TMEM131L: variants seen among roughly 807,000 people sequenced by gnomAD.
TMEM131L encodes transmembrane 131 like, also known as transmembrane protein 131-like.
TMEM131L carries 54 observed loss-of-function variants against 192.2 expected under a neutral mutation model. The ratio of observed to expected loss-of-function variants is 0.28; its 90% CI spans 0.23 to 0.35. TMEM131L has a LOEUF of 0.35. Ranked by LOEUF, TMEM131L falls within the 10% of genes least tolerant of loss-of-function variation. The pLI is 1.00. For missense variants in TMEM131L, 1,888 were observed against 1,972.9 expected (o/e 0.96, Z 0.82); for synonymous variants, 701 against 704.9 (o/e 0.99, Z 0.09).
Position 153,604,213 on chromosome 4 carries a change from C to T in TMEM131L, c.3201C>T (p.Phe1067=), listed in dbSNP as rs776493741. 37 of 1,614,012 alleles carry T rather than the reference C, an allele frequency of 2.3e-5. No individual in the cohort carries two copies. Among genetic ancestry groups the T allele is most frequent in the Non-Finnish European group, 3.0e-5 (35 of 1,179,956 alleles). Residue 1067 remains phenylalanine, a synonymous_variant, in exon 25 of 35, where the codon TTC becomes TTT. Transcript: ENST00000409959. ...ACACACTGAAAAACACAATTGTTTT[C>T]AGTAATCCTTCTTCAGAATGTAGTA... ...EENTLKNTIV[F]SNPSSECSMK...
intron 3 of TMEM131L, among the ~76,000 whole-genome samples, chr4:153,515,650 C>A (rs979691363): frequency 1.3e-5 from 2 of 152,116 alleles, no homozygotes; most frequent in African/African-American, 4.8e-5. Flanking sequence ...GAGGAACTGC[C>A]AAATTGTTTT....
chr4:153,556,897 GAA>G, intron 5 of TMEM131L, 67 bp from the exon 6 acceptor site: 1 of 746,724 alleles, frequency 1.3e-6, no homozygotes. Flanking sequence ...GTCAAAAAAA[GAA>G]AGTCTGTGAA....
At chr4:153,618,686 A>C (rs1308859069) in intron 26 of TMEM131L, among the ~76,000 whole-genome samples, 1 of 151,920 alleles carries the variant, frequency 6.6e-6, no homozygotes, top group East Asian at 1.9e-4. Context: ...GATTGAAACT[A>C]GGCAGTTTAG....
chr4:153,628,586 G>A (rs1305329179), intron 31 of TMEM131L, among the ~76,000 whole-genome samples: 1 of 152,160 alleles, frequency 6.6e-6, no homozygotes, highest in African/African-American at 2.4e-5. Context: ...TTTTGGACTT[G>A]TCCAGTTATC....
At chr4:153,585,257 C>T (rs1287509624) in intron 12 of TMEM131L, among the ~76,000 whole-genome samples, 3 of 152,228 alleles carry the variant, frequency 2.0e-5, no homozygotes, top group Admixed American at 1.3e-4. Flanking sequence ...TGGCCGCAGC[C>T]TGGTTGCTTC....
chr4:153,545,356 C>T (rs1207442163), intron 3 of TMEM131L, among the ~76,000 whole-genome samples: 4 of 149,552 alleles, frequency 2.7e-5, no homozygotes, highest in Admixed American at 6.7e-5. Flanking sequence ...GGCGCGATCC[C>T]GACTCACTGA....
At chr4:153,568,567 C>T (rs1382298256) in intron 7 of TMEM131L, among the ~76,000 whole-genome samples, 2 of 152,168 alleles carry the variant, frequency 1.3e-5, no homozygotes, top group Admixed American at 6.5e-5. Flanking sequence ...CCCTTAAGAG[C>T]AAGAATTATG....
intron 3 of TMEM131L, among the ~76,000 whole-genome samples, chr4:153,541,292 G>T (rs944704077): frequency 6.6e-6 from 1 of 152,162 alleles, no homozygotes; most frequent in African/African-American, 2.4e-5. Context: ...TGTGGAATGT[G>T]GTAAGAGTAA....
intron 3 of TMEM131L, among the ~76,000 whole-genome samples, chr4:153,495,596 AAAC>A (rs1391281456): frequency 6.6e-6 from 1 of 152,190 alleles, no homozygotes. Flanking sequence ...ATTTTTACAT[AAAC>A]AATAGGTCAG....
chr4:153,581,394 C>T lies in TMEM131L; in HGVS notation c.739-13C>T. ...TTTTTTTTTTCCTTTTTTCCTCCTC[C>T]TTCCAACCATAGGGTTGTTATCTGG... On this transcript the variant is annotated splice_polypyrimidine_tract_variant and intron_variant, in intron 8 of 34. Transcript: ENST00000409959. 9.9e-6 allele frequency: 15 copies of T among 1,510,060 alleles called. No individual in the cohort carries two copies. Among genetic ancestry groups the T allele is most frequent in the Non-Finnish European group, 1.3e-5 (15 of 1,125,750 alleles). 93.5% of individuals were successfully genotyped at this position (1,510,060 alleles called of 1,614,324 possible). A position where few individuals can be genotyped will look rare whatever the true frequency, so the allele number is the denominator to read the frequency against.
intron 3 of TMEM131L, among the ~76,000 whole-genome samples, chr4:153,546,480 A>G (rs949368639): frequency 6.6e-6 from 1 of 152,170 alleles, no homozygotes; most frequent in African/African-American, 2.4e-5. Context: ...TTTTATTGCT[A>G]TAGTTCTTGA....
At chr4:153,587,426 C>T (rs188482013) in intron 14 of TMEM131L, among the ~76,000 whole-genome samples, 1 of 151,402 alleles carries the variant, frequency 6.6e-6, no homozygotes, top group Non-Finnish European at 1.5e-5. Context: ...GGGTCTCACT[C>T]TGTTGCCCAG....
chr4:153,578,302 G>A (rs541991154), intron 7 of TMEM131L, among the ~76,000 whole-genome samples: 7 of 152,110 alleles, frequency 4.6e-5, no homozygotes, highest in South Asian at 2.1e-4. Flanking sequence ...GCTGCATTGC[G>A]CTATGATTGT....
At chr4:153,630,903 G>A (rs1300592001) in intron 31 of TMEM131L, among the ~76,000 whole-genome samples, 1 of 152,206 alleles carries the variant, frequency 6.6e-6, no homozygotes, top group Non-Finnish European at 1.5e-5. Context: ...CTGGCTGTAA[G>A]GTTTAATCAG....
At chr4:153,582,293 G>A (rs545666151) in intron 9 of TMEM131L, among the ~76,000 whole-genome samples, 1 of 151,812 alleles carries the variant, frequency 6.6e-6, no homozygotes, top group Non-Finnish European at 1.5e-5. Flanking sequence ...AGCCCAGGTG[G>A]GAGCACAGAG....
At chr4:153,604,945 C>CG (rs1732116553) in intron 25 of TMEM131L, among the ~76,000 whole-genome samples, 1 of 152,166 alleles carries the variant, frequency 6.6e-6, no homozygotes, top group Non-Finnish European at 1.5e-5. Context: ...CTCAAGTGAT[C>CG]CACCCCTTTG....
intron 30 of TMEM131L, 57 bp from the exon 31 acceptor site, chr4:153,627,548 C>G (rs1488736344): frequency 1.5e-6 from 2 of 1,299,492 alleles, no homozygotes; most frequent in African/African-American, 2.9e-5. Flanking sequence ...TATACAATAT[C>G]AGTATTTCCT....
chr4:153,466,729 G>A (rs1039159765), intron 1 of TMEM131L, among the ~76,000 whole-genome samples: 13 of 152,140 alleles, frequency 8.5e-5, no homozygotes, highest in Non-Finnish European at 1.8e-4. Flanking sequence ...GCTGGAGAGC[G>A]GGGCAGTCGC....
chr4:153,585,726 ATTAT>A (rs1730659354), intron 13 of TMEM131L, 115 bp downstream of exon 13: 6 of 600,682 alleles, frequency 1.0e-5, no homozygotes, highest in East Asian at 3.6e-5. Context: ...CTATGAAGTT[ATTAT>A]TTATATAAAA....
Sources: gnomAD v4.1 joint callset for allele counts (sites outside exome capture counted in the v4.1 genomes callset) on GRCh38, gnomAD v4.1.1 for gene constraint, MANE v1.5 for transcripts, NCBI Gene and HGNC (gene_info 2026-07-23, HGNC 2026-07-21) for gene names.